Variants in MSX2 observed in about 807,000 individuals in gnomAD.
The protein encoded by MSX2 is msh homeobox 2.
MSX2 carries 10 observed loss-of-function variants against 18.4 expected under a neutral mutation model. That is an observed-to-expected ratio of 0.54 (90% CI 0.34 to 0.92). The LOEUF is 0.92. MSX2 is among the 40% of genes least tolerant of loss of function. The probability of loss-of-function intolerance (pLI) is 0.02; values close to 1 mark genes in which losing one functional copy is unlikely to be tolerated. For missense variants in MSX2, 339 were observed against 364.0 expected, an observed-to-expected ratio of 0.93 and a Z score of 0.56; for synonymous variants, 170 against 165.6, an observed-to-expected ratio of 1.03 and a Z score of -0.20.
intron 1 of MSX2, among the ~76,000 whole-genome samples, chr5:174,728,555 G>A (rs1016901903): frequency 6.6e-6 from 1 of 152,222 alleles, no homozygotes; most frequent in African/African-American, 2.4e-5. Context: ...TCAGAGAGGA[G>A]ACCAAGGGAA....
intron 1 of MSX2, among the ~76,000 whole-genome samples, chr5:174,728,529 A>G (rs1415899197): frequency 1.3e-5 from 2 of 152,220 alleles, no homozygotes; most frequent in Non-Finnish European, 2.9e-5. Context: ...TGCTGACGCA[A>G]TCCACTTTTT....
chr5:174,724,786 T>C lies in MSX2; in HGVS notation c.127T>C (p.Ser43Pro). Residue 43 changes from serine to proline, a missense_variant, in exon 1 of 2, where the codon TCC becomes CCC. Ser to Pro is a moderately conservative substitution (Grantham distance 74, BLOSUM62 -1). Coordinates refer to ENST00000239243, the MANE Select transcript of MSX2 (RefSeq NM_002449.5). ...CGCGGAGGAGCGCCGCGTCAAGGTC[T>C]CCAGCCTGCCCTTCAGCGTGGAGGC... ...GAAEERRVKV[S>P]SLPFSVEALM... The C allele has an allele frequency of 6.4e-7, 1 of 1,555,288 alleles. No individual in the cohort carries two copies.
rs1760815662 is a variant in MSX2 at position 174,727,006 on chromosome 5, G to A, written c.379+1968G>A. Among the ~76,000 whole-genome samples, 7 of 151,988 alleles carry A rather than the reference G, an allele frequency of 4.6e-5. No homozygotes were observed. The South Asian group carries it at 1.5e-3, about 32-fold the overall frequency. On this transcript the variant is annotated intron_variant, in intron 1 of 1. Coordinates refer to ENST00000239243, the MANE Select transcript of MSX2 (RefSeq NM_002449.5). The stretch of plus-strand genomic sequence containing the variant: ...AAAAGAACCAGAAATTCTGAGAACC[G>A]AGTTTATAACCTGCACATTCTGCAC...
At position 174,729,807 on chromosome 5, in the gene MSX2, CT is replaced by C; in HGVS notation, c.*227del. The C allele has an allele frequency of 2.3e-6, 1 of 438,398 alleles. No homozygotes were observed. Among genetic ancestry groups the C allele is most frequent in the Non-Finnish European group, 4.1e-6 (1 of 245,562 alleles). 27.2% of individuals were successfully genotyped at this position (438,398 alleles called of 1,614,324 possible). A position where few individuals can be genotyped will look rare whatever the true frequency, so the allele number is the denominator to read the frequency against. On this transcript the variant is annotated 3_prime_UTR_variant, in exon 2 of 2. Coordinates refer to ENST00000239243, the MANE Select transcript of MSX2 (RefSeq NM_002449.5). ...GTAATCTTCCAGATGCCCCCTTTTC[CT>C]TTCACAAAGATTGGCTCTGATGGTT...
chr5:174,728,525 C>T (rs9313687), intron 1 of MSX2, among the ~76,000 whole-genome samples: 5,307 of 152,270 alleles, frequency 0.035, 245 homozygotes, highest in African/African-American at 0.11. Flanking sequence ...AATATGCTGA[C>T]GCAATCCACT....
Position 174,729,766 on chromosome 5 carries a change from G to T in MSX2, c.*183G>T, listed in dbSNP as rs771167296. The T allele has an allele frequency of 3.1e-4, 181 of 585,460 alleles. No homozygotes were observed. The highest frequency in any genetic ancestry group is 4.4e-4 in the Non-Finnish European group (146 of 332,170). 36.3% of individuals were successfully genotyped at this position (585,460 alleles called of 1,614,324 possible). ...TTTGTTCTGTAGGCGGAGGCACCAA[G>T]CCCTGTTTTCTTGGTGTAATCTTCC... On this transcript the variant is annotated 3_prime_UTR_variant, in exon 2 of 2. Coordinates refer to ENST00000239243, the MANE Select transcript of MSX2 (RefSeq NM_002449.5).
Position 174,726,558 on chromosome 5 carries a change from A to G in MSX2, c.379+1520A>G, listed in dbSNP as rs568031602. ...AGATGAGGACATTTCAGCAAAGTTC[A>G]GAGAGGAATCGGCAGTTTGGGCCTG... is the stretch of plus-strand genomic sequence containing the variant. On this transcript the variant is annotated intron_variant, in intron 1 of 1. Transcript: ENST00000239243. Among the ~76,000 whole-genome samples, 10 of 146,982 alleles carry G rather than the reference A, an allele frequency of 6.8e-5. No individual in the cohort carries two copies. The South Asian group carries it at 1.6e-3, about 23-fold the overall frequency.
chr5:174,729,011 A>G (rs1760865117), intron 1 of MSX2, 148 bp from the exon 2 acceptor site: 1 of 659,574 alleles, frequency 1.5e-6, no homozygotes, highest in South Asian at 1.9e-5. Context: ...GTATGTATAT[A>G]TAGATTTTTT....
chr5:174,728,854 C>T lies in MSX2; in HGVS notation c.380-305C>T, dbSNP rs12657863. ...TCTTAAAAAACTCATTTTTAAAAAA[C>T]GAAGCAACTTACCCATTTATATATG... On this transcript the variant is annotated intron_variant, in intron 1 of 1. Coordinates refer to ENST00000239243, the MANE Select transcript of MSX2 (RefSeq NM_002449.5). Among the ~76,000 whole-genome samples, 4,275 of 151,974 alleles carry T rather than the reference C, an allele frequency of 0.028. 132 individuals carry two copies. Among genetic ancestry groups the T allele is most frequent in the East Asian group, 0.13 (677 of 5,142 alleles).
rs772384677 is a variant in MSX2, at chr5:174,729,571, C to T, written c.792C>T (p.Tyr264=). 4 of 1,610,992 alleles carry T rather than the reference C, an allele frequency of 2.5e-6. No homozygotes were observed. The highest frequency in any genetic ancestry group is 3.4e-6 in the Non-Finnish European group (4 of 1,179,834). The part of the protein sequence containing the change: ...LYATPVGYGM[Y]HLS ...CCACGCCAGTGGGATATGGCATGTA[C>T]CACCTGTCCTAAGGAAGACCAGATC... Residue 264 remains tyrosine (Y), a synonymous_variant, in exon 2 of 2, where the codon TAC becomes TAT. Coordinates refer to ENST00000239243, the MANE Select transcript of MSX2 (RefSeq NM_002449.5).
At chr5:174,729,027 C>T in intron 1 of MSX2, 132 bp from the exon 2 acceptor site, 1 of 748,488 alleles carries the variant, frequency 1.3e-6, no homozygotes, top group Admixed American at 2.5e-5. Flanking sequence ...TTTTTTAAAG[C>T]TAAGTGCTTT....
rs1234123597 is a variant in MSX2 at position 174,724,833 on chromosome 5, G to A, written c.174G>A (p.Pro58=). ...SVEALMSDKK[P]PKEASPLPAE... ...AGGCGCTCATGTCCGACAAGAAGCC[G>A]CCCAAGGAGGCGTCCCCGCTGCCGG... The change falls in exon 1 of 2, where the codon CCG becomes CCA. Residue 58 remains proline, a synonymous_variant. Transcript: ENST00000239243. The A allele has an allele frequency of 5.2e-6, 8 of 1,550,658 alleles. No individual in the cohort carries two copies. The Admixed American group carries it at 1.4e-4, about 27-fold the overall frequency.
At chr5:174,725,713 G>C (rs1302848415) in intron 1 of MSX2, among the ~76,000 whole-genome samples, 2 of 152,166 alleles carry the variant, frequency 1.3e-5, no homozygotes, top group Non-Finnish European at 1.5e-5. Flanking sequence ...CGCCGGGAGC[G>C]GGCTGGGGCC....
In MSX2 at chr5:174,729,432, C is replaced by T. The variant is rs760162567; in HGVS notation, c.653C>T (p.Ser218Phe). ...LKMAAKPMLP[S>F]SFSLPFPISS... ...ATGGCTGCAAAACCTATGCTGCCCTCCAGCTTCAGTCTCCCTTTCCCCATC... is the reference window on the plus strand; with the variant it reads ...ATGGCTGCAAAACCTATGCTGCCCTTCAGCTTCAGTCTCCCTTTCCCCATC... The change falls in exon 2 of 2, where the codon TCC becomes TTC. Residue 218 changes from serine (S) to phenylalanine (F), a missense_variant. Ser to Phe is a radical substitution (Grantham distance 155). This residue lies in a region of MSX2 where 128 missense variants were observed against 178.6 expected (regional missense o/e 0.72). Transcript: ENST00000239243. 2 of 1,614,010 alleles carry T rather than the reference C, an allele frequency of 1.2e-6. No individual in the cohort carries two copies. The highest frequency in any genetic ancestry group is 1.7e-5 in the Admixed American group (1 of 60,006).
intron 1 of MSX2, among the ~76,000 whole-genome samples, chr5:174,727,667 T>A (rs1337422822): frequency 6.6e-6 from 1 of 152,228 alleles, no homozygotes; most frequent in Non-Finnish European, 1.5e-5. Context: ...GTATAGACTT[T>A]TATGGTAGTT....
chr5:174,729,005 G>A (rs1009697036), intron 1 of MSX2, among the ~76,000 whole-genome samples, 154 bp from the exon 2 acceptor site: 2 of 150,716 alleles, frequency 1.3e-5, no homozygotes, highest in African/African-American at 4.9e-5. Flanking sequence ...GTATATGTAT[G>A]TATATATAGA....
chr5:174,726,324 T>G (rs1760796713), intron 1 of MSX2, among the ~76,000 whole-genome samples: 2 of 152,172 alleles, frequency 1.3e-5, no homozygotes, highest in Non-Finnish European at 2.9e-5. Flanking sequence ...ACGCACTGTA[T>G]TTTGTTAACA....
At chr5:174,728,019 C>T (rs537212146) in intron 1 of MSX2, among the ~76,000 whole-genome samples, 10 of 152,316 alleles carry the variant, frequency 6.6e-5, no homozygotes, top group Admixed American at 2.0e-4. Context: ...TATCCTCCTC[C>T]GCCCACCCAC....
At chr5:174,725,150 C>G (rs943506297) in intron 1 of MSX2, 112 bp downstream of exon 1, 4 of 1,471,674 alleles carry the variant, frequency 2.7e-6, no homozygotes, top group South Asian at 1.4e-5. Context: ...GCTACACTCC[C>G]GGGAAAGCAA....
Sources: gnomAD v4.1 joint callset for allele counts (sites outside exome capture counted in the v4.1 genomes callset) on GRCh38, gnomAD v4.1.1 for gene constraint, gnomAD v4.1.1 regional missense constraint, MANE v1.5 for transcripts, NCBI Gene and HGNC (gene_info 2026-07-23, HGNC 2026-07-21) for gene names.